The following UTS2 variants were observed in gnomAD, a reference collection of about 807,000 sequenced individuals.
The protein encoded by UTS2 is urotensin-2.
A neutral mutation model predicts 12.6 loss-of-function variants in UTS2; 10 were observed. That is an observed-to-expected ratio of 0.80 (90% CI 0.49 to 1.35). UTS2 has a LOEUF of 1.35. Among genes scored for constraint, UTS2 ranks in the 40% most tolerant of loss-of-function variants. The pLI is 0.00. For synonymous variants in UTS2, 52 were observed against 50.0 expected (o/e 1.04, Z -0.17); for missense variants, 142 against 143.2 (o/e 0.99, Z 0.04).
chr1:7,859,690 G>A, the UTS2 span, among the ~76,000 whole-genome samples: 940 of 152,256 alleles, frequency 6.2e-3, 8 homozygotes, highest in African/African-American at 0.021. Flanking sequence ...CGAGGAATTC[G>A]GGGTTTTGTC....
chr1:7,888,203 C>A, the UTS2 span, among the ~76,000 whole-genome samples: 67 of 152,334 alleles, frequency 4.4e-4, no homozygotes, highest in African/African-American at 1.6e-3. Flanking sequence ...GCTTCCACAT[C>A]TGTCTCTCTA....
the UTS2 span, among the ~76,000 whole-genome samples, chr1:7,894,246 G>A: frequency 7.9e-3 from 1,190 of 150,602 alleles, 8 homozygotes; most frequent in Non-Finnish European, 0.011. Context: ...GCAGTGGCAC[G>A]ATCATAGCTC....
In UTS2 at chr1:7,847,767, C is replaced by A. The variant is rs1406114663; in HGVS notation, c.374G>T (p.Ter125LeuextTer7). The A allele has an allele frequency of 1.2e-6, 2 of 1,608,096 alleles. No homozygotes were observed. Among genetic ancestry groups the A allele is most frequent in the South Asian group, 2.2e-5 (2 of 90,182 alleles). ...TGACTAACAGATGCTTATTTCACTT[C>A]AGACACAGTATTTCCAGAAGCAATC... ...TPDCFWKYCV[*>L] is the part of the protein sequence containing the mutation. Residue 125 changes from the stop codon to leucine (L), a stop_lost, in exon 4 of 4, where the codon TGA becomes TTA. Transcript: ENST00000361696.
intron 2 of UTS2, among the ~76,000 whole-genome samples, chr1:7,850,488 TTTAAG>T (rs759721392): frequency 1.1e-3 from 169 of 152,268 alleles, no homozygotes; most frequent in Non-Finnish European, 2.1e-3. Flanking sequence ...GAAAGATTAC[TTTAAG>T]TTTTCAGTAA....
At chr1:7,856,506 G>C (rs116011128), upstream of UTS2, among the ~76,000 whole-genome samples, 3,250 of 152,342 alleles carry the variant, frequency 0.021, 66 homozygotes, top group South Asian at 0.032. Context: ...AGCGAGAGAA[G>C]TCGGGGAAGC....
At chr1:7,905,295 G>A in the UTS2 span, among the ~76,000 whole-genome samples, 1 of 151,696 alleles carries the variant, frequency 6.6e-6, no homozygotes, top group East Asian at 2.0e-4. Flanking sequence ...ACAGGCATAT[G>A]TCACCACGCC....
the UTS2 span, among the ~76,000 whole-genome samples, chr1:7,897,452 A>T: frequency 6.6e-6 from 1 of 152,226 alleles, no homozygotes; most frequent in Admixed American, 6.5e-5. Flanking sequence ...CTGTTGAGAC[A>T]TTTATTGAAA....
At chr1:7,902,510 G>A in the UTS2 span, among the ~76,000 whole-genome samples, 3 of 152,132 alleles carry the variant, frequency 2.0e-5, no homozygotes, top group Non-Finnish European at 2.9e-5. Context: ...TTCTTTTGGC[G>A]ACTTGCACAT....
chr1:7,849,505 C>G (rs535951832), intron 3 of UTS2, 135 bp downstream of exon 3: 1 of 789,270 alleles, frequency 1.3e-6, no homozygotes, highest in African/African-American at 1.8e-5. Flanking sequence ...GCTACCGCGC[C>G]TGGTCATGCT....
At chr1:7,894,867 G>T in the UTS2 span, among the ~76,000 whole-genome samples, 6 of 151,902 alleles carry the variant, frequency 3.9e-5, no homozygotes, top group African/African-American at 1.5e-4. Flanking sequence ...GGAGTTCTAG[G>T]CTGCAATGAG....
the UTS2 span, among the ~76,000 whole-genome samples, chr1:7,873,794 G>T: frequency 6.6e-6 from 1 of 152,184 alleles, no homozygotes. Context: ...CATTGGCAGG[G>T]TTTGAAAGAA....
chr1:7,892,244 C>T, the UTS2 span, among the ~76,000 whole-genome samples: 1 of 152,140 alleles, frequency 6.6e-6, no homozygotes, highest in Non-Finnish European at 1.5e-5. Context: ...TCTTACCATC[C>T]TGGAGGTCAG....
chr1:7,863,102 T>C, the UTS2 span, among the ~76,000 whole-genome samples: 1,619 of 131,252 alleles, frequency 0.012, 76 homozygotes, highest in African/African-American at 0.05. Flanking sequence ...TGTATTGTAT[T>C]GTATTGTATT....
At chr1:7,897,280 A>G in the UTS2 span, among the ~76,000 whole-genome samples, 15 of 152,132 alleles carry the variant, frequency 9.9e-5, no homozygotes, top group African/African-American at 3.6e-4. Flanking sequence ...TGCTGATACC[A>G]CACTTTGTAA....
At chr1:7,856,014 A>G (rs1638298180), upstream of UTS2, among the ~76,000 whole-genome samples, 2 of 151,474 alleles carry the variant, frequency 1.3e-5, no homozygotes, top group African/African-American at 4.8e-5. Flanking sequence ...TATTTTTTGT[A>G]CAGACAGGGT....
the UTS2 span, among the ~76,000 whole-genome samples, chr1:7,869,984 C>T: frequency 1.6e-4 from 24 of 152,274 alleles, no homozygotes; most frequent in East Asian, 7.7e-4. Context: ...AGCTGAGCTC[C>T]GTGTGATGGT....
chr1:7,853,482 C>G, upstream of UTS2: 1 of 1,573,002 alleles, frequency 6.4e-7, no homozygotes, highest in Non-Finnish European at 8.6e-7. Context: ...GTGTTTAGGG[C>G]TGCCATCCCT....
the UTS2 span, among the ~76,000 whole-genome samples, chr1:7,901,522 A>G: frequency 6.6e-6 from 1 of 152,140 alleles, no homozygotes; most frequent in African/African-American, 2.4e-5. Context: ...TTATATGTAT[A>G]CATGTATATG....
the UTS2 span, among the ~76,000 whole-genome samples, chr1:7,860,991 G>A: frequency 6.9e-5 from 10 of 145,220 alleles, no homozygotes; most frequent in Admixed American, 5.6e-4. Flanking sequence ...GCACTGAGCC[G>A]AGATCACACT....
Sources: gnomAD v4.1 joint callset for allele counts (sites outside exome capture counted in the v4.1 genomes callset) on GRCh38, gnomAD v4.1.1 for gene constraint, MANE v1.5 for transcripts, NCBI Gene and HGNC (gene_info 2026-07-23, HGNC 2026-07-21) for gene names.